LRRC34: variants seen among roughly 807,000 people sequenced by gnomAD.
The protein encoded by LRRC34 is leucine rich repeat containing 34, also known as leucine-rich repeat-containing protein 34.
In LRRC34, 44 loss-of-function variants were observed where a neutral mutation model predicts 48.5. That is an observed-to-expected ratio of 0.91 (90% confidence interval 0.71 to 1.17). LRRC34 has a LOEUF of 1.17. Among genes scored for constraint, LRRC34 ranks in the 50% most tolerant of loss-of-function variants. LRRC34 has a pLI of 0.00. For synonymous variants in LRRC34, 192 were observed against 197.6 expected, an observed-to-expected ratio of 0.97 and a Z score of 0.24; for missense variants, 502 against 563.0, an observed-to-expected ratio of 0.89 and a Z score of 1.10.
chr3:169,793,643 G>A lies in LRRC34; in HGVS notation c.1387C>T (p.Gln463Ter), dbSNP rs140978440. Residue 463 changes from glutamine to a stop codon, truncating the protein, a stop_gained, in exon 11 of 11, where the codon CAG becomes TAG. Transcript: ENST00000446859. LOFTEE classifies it high-confidence loss of function. The part of the protein sequence containing the change: ...AGFALVPVGQ[Q>*]P The stretch of plus-strand genomic sequence containing the variant: ...ATTTTACAGCTACTTTTTCATGGCT[G>A]TTGACCTACTGGAACAAGAGCAAAA... 4.8e-4 allele frequency: 773 copies of A among 1,610,110 alleles called. 1 individual carries two copies. The highest frequency in any genetic ancestry group is 9.9e-4 in the Middle Eastern group (6 of 6,048).
At chr3:169,798,007 T>A (rs1170297815) in intron 7 of LRRC34, among the ~76,000 whole-genome samples, 1 of 152,234 alleles carries the variant, frequency 6.6e-6, no homozygotes, top group Non-Finnish European at 1.5e-5. Flanking sequence ...TTGCTGAAAT[T>A]GCTTTGACAC....
At position 169,812,448 on chromosome 3, in the gene LRRC34, T is replaced by C; in HGVS notation, c.101A>G (p.Gln34Arg). Residue 34 changes from glutamine to arginine, a missense_variant, in exon 1 of 11, where the codon CAG becomes CGG. Transcript: ENST00000446859. This position sits in a 1 kb window ranked among gnomAD's most constrained non-coding sequence, Gnocchi z 4.3. ...CAGGGCCGCGCCCGGAGTACTGGCC[T>C]GAGTGGAGGCCCAAGCCGGGGACCT... is the stretch of plus-strand genomic sequence containing the variant. Reference protein sequence around the residue: ...PARSPAWASTQASTPGAALAV... With the variant: ...PARSPAWASTRASTPGAALAV... 6.5e-7 allele frequency: 1 copy of C among 1,531,906 alleles called. No individual in the cohort carries two copies. Among genetic ancestry groups the C allele is most frequent in the Non-Finnish European group, 8.7e-7 (1 of 1,145,654 alleles). The allele number at this position is 1,531,906 out of a possible 1,614,324, so 94.9% of individuals were successfully genotyped here. A position where few individuals can be genotyped will look rare whatever the true frequency, so the allele number is the denominator to read the frequency against.
Position 169,796,216 on chromosome 3 carries a change from T to G in LRRC34, c.1062A>C (p.Lys354Asn), listed in dbSNP as rs1778981475. ...ETLTSHNRSLKALSVVSNNIE... is the reference protein window; with the variant it reads ...ETLTSHNRSLNALSVVSNNIE... ...ATTAAATATAAAACCATACTAACGC[T>G]TTAAGACTCCTGTTGTGTGAAGTAA... Residue 354 changes from lysine (K) to asparagine (N), a missense_variant and splice_region_variant, in exon 9 of 11, where the codon AAA (lysine) becomes AAC (asparagine). Coordinates refer to ENST00000446859, the MANE Select transcript of LRRC34 (RefSeq NM_001172779.2). 6.2e-7 allele frequency: 1 copy of G among 1,600,870 alleles called. No individual in the cohort carries two copies. The highest frequency in any genetic ancestry group is 8.5e-7 in the Non-Finnish European group (1 of 1,176,842).
intron 6 of LRRC34, among the ~76,000 whole-genome samples, chr3:169,802,299 A>G (rs1779221065): frequency 6.6e-6 from 1 of 152,210 alleles, no homozygotes; most frequent in Non-Finnish European, 1.5e-5. Context: ...TACCCATGCC[A>G]CACTTAGGGA....
In LRRC34 at chr3:169,812,134, C is replaced by CTGCA. The variant is rs1779600822; in HGVS notation, c.139+272_139+275dup. Among the ~76,000 whole-genome samples, 1 of 150,562 alleles carries CTGCA rather than the reference C, an allele frequency of 6.6e-6. No homozygotes were observed. The highest frequency in any genetic ancestry group is 1.5e-5 in the Non-Finnish European group (1 of 67,538). ...CTGAGAGCACGGCGACAGACACCAT[C>CTGCA]TGCACAACCTATCGCGCAAAGGGCG... On this transcript the variant is annotated intron_variant, in intron 1 of 10. Transcript: ENST00000446859. This position sits in a 1 kb window ranked among gnomAD's most constrained non-coding sequence, Gnocchi z 4.3.
At chr3:169,795,415 A>T in intron 10 of LRRC34, 70 bp downstream of exon 10, 1 of 1,480,134 alleles carries the variant, frequency 6.8e-7, no homozygotes, top group Non-Finnish European at 9.1e-7. Context: ...AGGCACCTGT[A>T]AATAATATCT....
At chr3:169,809,643 C>T (rs989167238) in intron 1 of LRRC34, among the ~76,000 whole-genome samples, 4 of 152,166 alleles carry the variant, frequency 2.6e-5, no homozygotes, top group African/African-American at 9.7e-5. Flanking sequence ...GAAGTACAGG[C>T]CACTGTCTTT....
In LRRC34 at chr3:169,812,356, C is replaced by G. The variant is rs1779617291; in HGVS notation, c.139+54G>C. 6.7e-7 allele frequency: 1 copy of G among 1,484,608 alleles called. No individual in the cohort carries two copies. Among genetic ancestry groups the G allele is most frequent in the Non-Finnish European group, 8.9e-7 (1 of 1,124,598 alleles). 92.0% of individuals were successfully genotyped at this position (1,484,608 alleles called of 1,614,324 possible). A position where few individuals can be genotyped will look rare whatever the true frequency, so the allele number is the denominator to read the frequency against. ...GACTCCTGCCGTGCGACCCCGGCGC[C>G]CCTCGCGCGTTTTGTCTGGGCCAGG... On this transcript the variant is annotated intron_variant, in intron 1 of 10. Coordinates refer to ENST00000446859, the MANE Select transcript of LRRC34 (RefSeq NM_001172779.2). The surrounding 1 kb of genome is among the most constrained non-coding windows in gnomAD (Gnocchi z 4.3).
intron 6 of LRRC34, among the ~76,000 whole-genome samples, chr3:169,803,014 T>C (rs1779250500): frequency 6.6e-6 from 1 of 151,934 alleles, no homozygotes; most frequent in African/African-American, 2.4e-5. Flanking sequence ...GAATCTATTA[T>C]ACCAGAGAGC....
chr3:169,797,041 G>A, intron 7 of LRRC34, 142 bp from the exon 8 acceptor site: 1 of 554,568 alleles, frequency 1.8e-6, no homozygotes, highest in Non-Finnish European at 2.8e-6. Context: ...CATTTGTTTG[G>A]TCTATCTTTA....
At chr3:169,805,728 T>C (rs1395599952) in intron 5 of LRRC34, among the ~76,000 whole-genome samples, 1 of 151,748 alleles carries the variant, frequency 6.6e-6, no homozygotes, top group African/African-American at 2.4e-5. Flanking sequence ...CTACTAAAAG[T>C]ACAAAATTAG....
rs1778870206 is a variant in LRRC34, at chr3:169,793,541, CTT to C, written c.*92_*93del. On this transcript the variant is annotated 3_prime_UTR_variant, in exon 11 of 11. Coordinates refer to ENST00000446859, the MANE Select transcript of LRRC34 (RefSeq NM_001172779.2). ...TCTTTTACACATTTGAAAAAAGTAA[CTT>C]GTTTTAATTTATAAAAGAAAATAGG... is the stretch of plus-strand genomic sequence containing the variant. 2 of 908,322 alleles carry C rather than the reference CTT, an allele frequency of 2.2e-6. No individual in the cohort carries two copies. Among genetic ancestry groups the C allele is most frequent in the African/African-American group, 1.7e-5 (1 of 58,948 alleles). The allele number at this position is 908,322 out of a possible 1,614,324, so 56.3% of individuals were successfully genotyped here.
Position 169,812,379 on chromosome 3 carries a change from A to G in LRRC34, c.139+31T>C, listed in dbSNP as rs1779619067. On this transcript the variant is annotated intron_variant, in intron 1 of 10. Coordinates refer to ENST00000446859, the MANE Select transcript of LRRC34 (RefSeq NM_001172779.2). This position sits in a 1 kb window ranked among gnomAD's most constrained non-coding sequence, Gnocchi z 4.3. Reference sequence around the variant, plus strand: ...GCCCCTCGCGCGTTTTGTCTGGGCCAGGCCGCGCAGACGTGCTCCCTACTT... The same window carrying G: ...GCCCCTCGCGCGTTTTGTCTGGGCCGGGCCGCGCAGACGTGCTCCCTACTT... 2.6e-6 allele frequency: 4 copies of G among 1,518,128 alleles called. No homozygotes were observed. In the South Asian group the frequency reaches 3.6e-5, roughly 14 times the overall value. The allele number at this position is 1,518,128 out of a possible 1,614,324, so 94.0% of individuals were successfully genotyped here. A position where few individuals can be genotyped will look rare whatever the true frequency, so the allele number is the denominator to read the frequency against.
intron 5 of LRRC34, 55 bp downstream of exon 5, chr3:169,806,793 A>G (rs1576745719): frequency 2.7e-6 from 3 of 1,099,796 alleles, no homozygotes; most frequent in Admixed American, 1.8e-5. Flanking sequence ...GTTCCAAGCT[A>G]TCAGAAGTTA....
At chr3:169,808,324 A>G (rs1340977226) in intron 2 of LRRC34, among the ~76,000 whole-genome samples, 5 of 151,522 alleles carry the variant, frequency 3.3e-5, no homozygotes, top group Non-Finnish European at 5.9e-5. Context: ...AGAAAAAAAA[A>G]AAAAAAAAAA....
chr3:169,796,540 T>C (rs1778995594), intron 8 of LRRC34, 171 bp from the exon 9 acceptor site: 1 of 939,948 alleles, frequency 1.1e-6, no homozygotes, highest in Non-Finnish European at 1.5e-6. Context: ...GCTTTCATTC[T>C]TGTTTACACA....
In LRRC34 at chr3:169,807,414, G is replaced by C. The variant is rs748349795; in HGVS notation, c.444+12C>G. 10 of 1,611,466 alleles carry C rather than the reference G, an allele frequency of 6.2e-6. No individual in the cohort carries two copies. The highest frequency in any genetic ancestry group is 7.6e-6 in the Non-Finnish European group (9 of 1,177,830). On this transcript the variant is annotated intron_variant, in intron 4 of 10. Transcript: ENST00000446859. The stretch of plus-strand genomic sequence containing the variant: ...TAAATGGAACTAAGGACATTTTGTA[G>C]TAAAATAATACCTGAAGCAGTTTCG...
At chr3:169,800,844 ATAAAATTGTTTT>A in intron 6 of LRRC34, 90 bp from the exon 7 acceptor site, 1 of 819,112 alleles carries the variant, frequency 1.2e-6, no homozygotes, top group Non-Finnish European at 1.9e-6. Flanking sequence ...CTGCATTCTG[ATAAAATTGTTTT>A]TAAAATTTAA....
rs981652171 is a variant in LRRC34, at chr3:169,793,607, G to A, written c.*28C>T. On this transcript the variant is annotated 3_prime_UTR_variant, in exon 11 of 11. Coordinates refer to ENST00000446859, the MANE Select transcript of LRRC34 (RefSeq NM_001172779.2). ...ATCTCTGTGAAACAATAAGACAAGT[G>A]TATGAAAATTATTTTACAGCTACTT... is the stretch of plus-strand genomic sequence containing the variant. 2.7e-6 allele frequency: 4 copies of A among 1,485,840 alleles called. No individual in the cohort carries two copies. Among genetic ancestry groups the A allele is most frequent in the South Asian group, 2.3e-5 (2 of 86,506 alleles). 92.0% of individuals were successfully genotyped at this position (1,485,840 alleles called of 1,614,324 possible).
Sources: gnomAD v4.1 joint callset for allele counts (sites outside exome capture counted in the v4.1 genomes callset) on GRCh38, gnomAD v4.1.1 for gene constraint, Gnocchi (gnomAD v3.1) non-coding constraint, MANE v1.5 for transcripts, NCBI Gene and HGNC (gene_info 2026-07-23, HGNC 2026-07-21) for gene names.